MCTP1: variants seen among roughly 807,000 people sequenced by gnomAD.
MCTP1 encodes multiple C2 and transmembrane domain-containing protein 1.
A neutral mutation model predicts 120.6 loss-of-function variants in MCTP1; 69 were observed. The observed-to-expected ratio is 0.57, with a 90% CI of 0.47 to 0.70. MCTP1 has a LOEUF of 0.70. MCTP1 is among the 30% of genes least tolerant of loss of function. MCTP1 has a pLI of 0.00. For synonymous variants in MCTP1, 529 were observed against 493.1 expected, an observed-to-expected ratio of 1.07 and a Z score of -0.96; for missense variants, 1,203 against 1,248.8, an observed-to-expected ratio of 0.96 and a Z score of 0.55.
chr5:94,804,473 C>T lies in MCTP1; in HGVS notation c.2437-5341G>A, dbSNP rs1190146446. Among the ~76,000 whole-genome samples, 4 of 151,960 alleles carry T rather than the reference C, an allele frequency of 2.6e-5. No homozygotes were observed. The East Asian group carries it at 7.7e-4, about 29-fold the overall frequency. On this transcript the variant is annotated intron_variant, in intron 17 of 22. Transcript: ENST00000515393. ...TTCTTTTTTTTGAGATGGAGTCTTG[C>T]TGTTGCCCAGGTTGGGGTGCAGTGG...
intron 18 of MCTP1, among the ~76,000 whole-genome samples, chr5:94,787,736 C>T (rs1390226860): frequency 6.6e-6 from 1 of 152,052 alleles, no homozygotes; most frequent in African/African-American, 2.4e-5. Flanking sequence ...CCTGCCTCAG[C>T]CTTCCGAGTA....
At chr5:94,952,951 A>G (rs961218495) in intron 3 of MCTP1, among the ~76,000 whole-genome samples, 3 of 152,200 alleles carry the variant, frequency 2.0e-5, no homozygotes, top group Non-Finnish European at 4.4e-5. Flanking sequence ...CCCAAACTGC[A>G]CTAAATCAGT....
In MCTP1 at chr5:95,023,185, G is replaced by T. The variant is rs542055558; in HGVS notation, c.721-5701C>A. On this transcript the variant is annotated intron_variant, in intron 1 of 22. Transcript: ENST00000515393. ...TTGAAGACAGAAACAATAGAACCAG[G>T]CTCCAGTGAACACACACTTACTGCC... Among the ~76,000 whole-genome samples, 16 of 152,226 alleles carry T rather than the reference G, an allele frequency of 1.1e-4. No homozygotes were observed. The East Asian group carries it at 2.5e-3, about 24-fold the overall frequency.
intron 19 of MCTP1, among the ~76,000 whole-genome samples, chr5:94,752,631 T>TTA (rs1561575685): frequency 6.6e-6 from 1 of 152,082 alleles, no homozygotes; most frequent in African/African-American, 2.4e-5. Flanking sequence ...GATGTTTTTT[T>TTA]AAAAAAATCT....
intron 2 of MCTP1, among the ~76,000 whole-genome samples, chr5:95,014,367 G>A (rs541514708): frequency 2.6e-5 from 4 of 152,258 alleles, no homozygotes; most frequent in African/African-American, 9.6e-5. Flanking sequence ...ATGACTTGAG[G>A]GTTTGAGGGG....
chr5:95,140,665 G>A (rs1007482008), intron 1 of MCTP1, among the ~76,000 whole-genome samples: 5 of 124,014 alleles, frequency 4.0e-5, no homozygotes, highest in African/African-American at 1.5e-4. Flanking sequence ...AGACCATCCT[G>A]GCTAACACCG....
chr5:94,736,204 A>T (rs1348055217), intron 19 of MCTP1, among the ~76,000 whole-genome samples: 1 of 152,210 alleles, frequency 6.6e-6, no homozygotes, highest in East Asian at 1.9e-4. Context: ...CAAATATTTG[A>T]TCTTCTGGGT....
chr5:94,779,329 T>C (rs181237073), intron 18 of MCTP1, among the ~76,000 whole-genome samples, 166 bp from the exon 19 acceptor site: 8 of 152,306 alleles, frequency 5.3e-5, no homozygotes, highest in African/African-American at 1.7e-4. Flanking sequence ...CTGCCTTTAA[T>C]TGATGAAAAC....
chr5:94,742,270 G>GTC (rs2152755158), intron 19 of MCTP1, among the ~76,000 whole-genome samples: 1 of 152,118 alleles, frequency 6.6e-6, no homozygotes, highest in South Asian at 2.1e-4. Flanking sequence ...GCCCAGGCTG[G>GTC]TCTCAAACTC....
At chr5:95,133,609 C>T (rs1384272776) in intron 1 of MCTP1, among the ~76,000 whole-genome samples, 1 of 152,188 alleles carries the variant, frequency 6.6e-6, no homozygotes, top group African/African-American at 2.4e-5. Context: ...GAGCCGAGAT[C>T]GTGCCATTGC....
chr5:95,216,733 T>C (rs1180520914), intron 1 of MCTP1, among the ~76,000 whole-genome samples: 2 of 152,202 alleles, frequency 1.3e-5, no homozygotes, highest in Admixed American at 6.6e-5. Flanking sequence ...AAGTGAGAAA[T>C]TGCAGTTGCA....
At chr5:94,765,634 G>A (rs1472965497) in intron 19 of MCTP1, among the ~76,000 whole-genome samples, 1 of 150,232 alleles carries the variant, frequency 6.7e-6, no homozygotes, top group Non-Finnish European at 1.5e-5. Context: ...GTGGGAGGTG[G>A]AGGTTGCTGT....
At chr5:95,200,275 A>C (rs1015890660) in intron 1 of MCTP1, among the ~76,000 whole-genome samples, 1 of 152,212 alleles carries the variant, frequency 6.6e-6, no homozygotes, top group African/African-American at 2.4e-5. Flanking sequence ...AGCCATTATG[A>C]AAACCAGTAT....
At chr5:94,831,285 G>T (rs1256118218) in intron 17 of MCTP1, among the ~76,000 whole-genome samples, 1 of 152,124 alleles carries the variant, frequency 6.6e-6, no homozygotes, top group Non-Finnish European at 1.5e-5. Flanking sequence ...TCAAGTCAAG[G>T]CTATTCCTGA....
chr5:94,859,284 A>G lies in MCTP1; in HGVS notation c.2436+9049T>C, dbSNP rs75052903. Among the ~76,000 whole-genome samples the G allele has an allele frequency of 4.3e-3, 660 of 151,802 alleles. 17 individuals carry two copies. In the East Asian group the frequency reaches 0.079, roughly 18 times the overall value. ...CATAGAAGAACAAAACTCTATTTAA[A>G]AAAATTTAGCTGAGAAGGGCAGTGG... On this transcript the variant is annotated intron_variant, in intron 17 of 22. Coordinates refer to ENST00000515393, the MANE Select transcript of MCTP1 (RefSeq NM_024717.7).
intron 19 of MCTP1, among the ~76,000 whole-genome samples, chr5:94,746,272 C>A (rs942921182): frequency 1.3e-5 from 2 of 152,190 alleles, no homozygotes; most frequent in African/African-American, 4.8e-5. Context: ...CTTTCTGCCT[C>A]CTACTCCTTT....
At chr5:95,135,261 T>A (rs552197177) in intron 1 of MCTP1, among the ~76,000 whole-genome samples, 2 of 152,294 alleles carry the variant, frequency 1.3e-5, no homozygotes, top group Non-Finnish European at 2.9e-5. Context: ...GGGACCATAA[T>A]ATCAACAAAT....
At chr5:94,912,428 CAAAAAAAAAAAAAA>C (rs564439495) in intron 9 of MCTP1, among the ~76,000 whole-genome samples, 2,647 of 31,436 alleles carry the variant, frequency 0.084, 205 homozygotes, top group African/African-American at 0.28. Flanking sequence ...GAGACTCCAT[CAAAAAAAAAAAAAA>C]AAAAAAAAAA....
chr5:94,975,052 G>A (rs1827802413), intron 2 of MCTP1, among the ~76,000 whole-genome samples: 1 of 151,886 alleles, frequency 6.6e-6, no homozygotes, highest in African/African-American at 2.4e-5. Context: ...TTATTCCCTT[G>A]CTTTTAATTC....
Sources: allele counts gnomAD v4.1 joint callset (sites outside exome capture counted in the v4.1 genomes callset), GRCh38; gene constraint gnomAD v4.1.1; transcripts MANE v1.5; gene names NCBI Gene and HGNC (gene_info 2026-07-23, HGNC 2026-07-21).